The following ACOXL variants were observed in gnomAD, a reference collection of about 807,000 sequenced individuals.
ACOXL encodes acyl-coenzyme A oxidase-like protein.
In ACOXL, 70 loss-of-function variants were observed where a neutral mutation model predicts 71.9. The ratio of observed to expected loss-of-function variants is 0.97; its 90% confidence interval spans 0.80 to 1.19. ACOXL has a LOEUF of 1.19. Ranked by LOEUF, ACOXL falls within the 50% of genes most tolerant of loss-of-function variation. ACOXL has a pLI of 0.00. For synonymous variants in ACOXL, 253 were observed against 281.6 expected (o/e 0.90, Z 1.02); for missense variants, 703 against 736.3 (o/e 0.95, Z 0.52).
intron 3 of ACOXL, among the ~76,000 whole-genome samples, chr2:110,787,794 T>C (rs1204826764): frequency 1.3e-5 from 2 of 152,116 alleles, no homozygotes; most frequent in African/African-American, 4.8e-5. Context: ...TGACAACTAT[T>C]CATTCTTCAT....
intron 12 of ACOXL, among the ~76,000 whole-genome samples, chr2:110,941,099 A>G (rs540059088): frequency 5.8e-4 from 88 of 152,338 alleles, no homozygotes; most frequent in African/African-American, 2.1e-3. Context: ...TGGAATTTTC[A>G]TAATTCATAT....
chr2:110,806,797 TG>T (rs1686702397), intron 9 of ACOXL, among the ~76,000 whole-genome samples: 1 of 152,044 alleles, frequency 6.6e-6, no homozygotes, highest in African/African-American at 2.4e-5. Context: ...CTGGTTTTGA[TG>T]GGGTGATGAT....
chr2:110,794,203 C>G, intron 5 of ACOXL, 29 bp downstream of exon 5: 1 of 1,605,300 alleles, frequency 6.2e-7, no homozygotes, highest in South Asian at 1.1e-5. Context: ...TCCTGCCGTG[C>G]AGGGGAGCTG....
rs2061006814 is a variant in ACOXL at position 110,944,178 on chromosome 2, C to T, written c.1059+10536C>T. The stretch of plus-strand genomic sequence containing the variant: ...GCTCAAGCGATTCTCCGGCCTCAGC[C>T]TCAGCCTCCCAAGTAGCTGGCACGT... On this transcript the variant is annotated intron_variant, in intron 12 of 17. Coordinates refer to ENST00000439055, the MANE Select transcript of ACOXL (RefSeq NM_001142807.4). Among the ~76,000 whole-genome samples the T allele has an allele frequency of 5.3e-5, 8 of 152,278 alleles. No individual in the cohort carries two copies. In the South Asian group the frequency reaches 1.7e-3, roughly 32 times the overall value.
chr2:110,753,454 C>T (rs935342462), intron 1 of ACOXL, among the ~76,000 whole-genome samples: 1 of 152,198 alleles, frequency 6.6e-6, no homozygotes. Flanking sequence ...ACTTGAGTGT[C>T]CTCACATCTT....
At chr2:110,829,112 A>G (rs1026824243) in intron 9 of ACOXL, among the ~76,000 whole-genome samples, 2 of 152,164 alleles carry the variant, frequency 1.3e-5, no homozygotes, top group Admixed American at 1.3e-4. Context: ...TGCCCAGCCT[A>G]TCTTGCTATT....
intron 2 of ACOXL, among the ~76,000 whole-genome samples, chr2:110,769,977 G>A (rs1338910173): frequency 2.6e-5 from 4 of 152,152 alleles, no homozygotes; most frequent in Non-Finnish European, 5.9e-5. Context: ...CAGAGGTCGA[G>A]GCTGCAGTGA....
chr2:110,916,106 A>C, intron 11 of ACOXL, among the ~76,000 whole-genome samples: 1 of 152,018 alleles, frequency 6.6e-6, no homozygotes, highest in East Asian at 1.9e-4. Flanking sequence ...TTTTTTGAGA[A>C]ATTTGTTCAC....
intron 15 of ACOXL, among the ~76,000 whole-genome samples, chr2:111,045,736 T>C (rs2065988064): frequency 6.6e-6 from 1 of 152,102 alleles, no homozygotes; most frequent in African/African-American, 2.4e-5. Flanking sequence ...CACACTGACA[T>C]CTGGGGTGAG....
rs534355300 is a variant in ACOXL, at chr2:110,839,299, G to A, written c.754-2072G>A. ...AATTAGCCTCACTGTAAGCCAGAACGTTTTAATCCCAGGAAATGTAAAGTT... is the reference window on the plus strand; with the variant it reads ...AATTAGCCTCACTGTAAGCCAGAACATTTTAATCCCAGGAAATGTAAAGTT... On this transcript the variant is annotated intron_variant, in intron 9 of 17. Coordinates refer to ENST00000439055, the MANE Select transcript of ACOXL (RefSeq NM_001142807.4). Among the ~76,000 whole-genome samples the A allele has an allele frequency of 7.9e-5, 12 of 152,280 alleles. No homozygotes were observed. In the South Asian group the frequency reaches 8.3e-4, roughly 11 times the overall value.
At chr2:111,092,814 T>A in intron 16 of ACOXL, 51 bp from the exon 17 acceptor site, 1 of 1,294,870 alleles carries the variant, frequency 7.7e-7, no homozygotes, top group Non-Finnish European at 1.1e-6. Flanking sequence ...ATTTTGTGTT[T>A]TCTAATATAT....
At chr2:110,951,678 T>C (rs1378600645) in intron 12 of ACOXL, among the ~76,000 whole-genome samples, 1 of 152,246 alleles carries the variant, frequency 6.6e-6, no homozygotes, top group Non-Finnish European at 1.5e-5. Context: ...TGAGTGGTTT[T>C]AAAATTAAAT....
chr2:110,734,945 T>C (rs1265754612), intron 1 of ACOXL, among the ~76,000 whole-genome samples: 1 of 152,148 alleles, frequency 6.6e-6, no homozygotes, highest in Non-Finnish European at 1.5e-5. Flanking sequence ...TGCTGTGTTA[T>C]GAAGCTTGAA....
At chr2:111,004,042 T>G (rs1228754468) in intron 14 of ACOXL, among the ~76,000 whole-genome samples, 2 of 152,202 alleles carry the variant, frequency 1.3e-5, no homozygotes, top group Non-Finnish European at 2.9e-5. Flanking sequence ...CTGCATTAGT[T>G]TGGTGTATCT....
chr2:110,756,882 C>T (rs1039180747), intron 1 of ACOXL, among the ~76,000 whole-genome samples: 2 of 151,756 alleles, frequency 1.3e-5, no homozygotes, highest in African/African-American at 4.8e-5. Flanking sequence ...GGAGATTTGC[C>T]CCTTTTATTT....
chr2:110,922,893 C>T (rs928339410), intron 11 of ACOXL, among the ~76,000 whole-genome samples: 23 of 152,340 alleles, frequency 1.5e-4, no homozygotes, highest in Admixed American at 1.0e-3. Flanking sequence ...CCTTCACCAG[C>T]TGTCAGTCTA....
chr2:110,996,007 A>ACTT lies in ACOXL; in HGVS notation c.1281+3_1281+4insCTT. ...TGGTGGCCAGAATTTATTATAAGGT[A>ACTT]AAGATACACTGTGTTATATTTTTCC... On this transcript the variant is annotated splice_donor_region_variant and intron_variant, in intron 14 of 17. Transcript: ENST00000439055. 3 of 1,582,762 alleles carry ACTT rather than the reference A, an allele frequency of 1.9e-6. No homozygotes were observed. Among genetic ancestry groups the ACTT allele is most frequent in the Non-Finnish European group, 1.7e-6 (2 of 1,171,346 alleles).
chr2:111,109,380 G>T (rs970535697), intron 17 of ACOXL, among the ~76,000 whole-genome samples: 3 of 152,088 alleles, frequency 2.0e-5, no homozygotes, highest in Non-Finnish European at 2.9e-5. Flanking sequence ...TCTGACTTCT[G>T]AGATTCCAAT....
At chr2:111,037,993 A>G (rs143798034) in intron 15 of ACOXL, among the ~76,000 whole-genome samples, 9 of 152,238 alleles carry the variant, frequency 5.9e-5, no homozygotes, top group African/African-American at 1.7e-4. Context: ...GTTTTTTTCT[A>G]TTTCACAGAG....
Sources: allele counts gnomAD v4.1 joint callset (sites outside exome capture counted in the v4.1 genomes callset), GRCh38; gene constraint gnomAD v4.1.1; transcripts MANE v1.5; gene names NCBI Gene and HGNC (gene_info 2026-07-23, HGNC 2026-07-21).